SLC9A9: variants seen among roughly 807,000 people sequenced by gnomAD.
The protein encoded by SLC9A9 is solute carrier family 9 member A9.
SLC9A9 carries 62 observed loss-of-function variants against 77.8 expected under a neutral mutation model. That is an observed-to-expected ratio of 0.80 (90% CI 0.65 to 0.98). SLC9A9 has a LOEUF of 0.98. Among genes scored for constraint, SLC9A9 ranks in the 50% least tolerant of loss-of-function variants. SLC9A9 has a pLI of 0.00. For missense variants in SLC9A9, 775 were observed against 774.9 expected (o/e 1.00, Z 0.00); for synonymous variants, 320 against 283.5 (o/e 1.13, Z -1.29).
At chr3:143,461,667 CT>C (rs2035195047) in intron 12 of SLC9A9, among the ~76,000 whole-genome samples, 1 of 152,128 alleles carries the variant, frequency 6.6e-6, no homozygotes, top group Admixed American at 6.5e-5. Flanking sequence ...CAATTAGGAC[CT>C]GCTCAGTCTA....
At chr3:143,597,140 A>C (rs1322345804) in intron 6 of SLC9A9, among the ~76,000 whole-genome samples, 1 of 152,212 alleles carries the variant, frequency 6.6e-6, no homozygotes, top group Non-Finnish European at 1.5e-5. Context: ...TATCCAGGCG[A>C]GTATGAGTCA....
At chr3:143,367,136 G>A (rs886627438) in intron 13 of SLC9A9, among the ~76,000 whole-genome samples, 16 of 152,276 alleles carry the variant, frequency 1.1e-4, no homozygotes, top group African/African-American at 3.9e-4. Flanking sequence ...TTCTGAAAGA[G>A]CTTATACTCT....
intron 8 of SLC9A9, among the ~76,000 whole-genome samples, chr3:143,555,741 A>T (rs2036968287): frequency 1.3e-5 from 2 of 152,212 alleles, no homozygotes; most frequent in Admixed American, 1.3e-4. Flanking sequence ...TCATTGGAGA[A>T]TATTTTCCCT....
intron 8 of SLC9A9, among the ~76,000 whole-genome samples, chr3:143,554,235 C>A (rs927779837): frequency 6.6e-6 from 1 of 152,168 alleles, no homozygotes; most frequent in Non-Finnish European, 1.5e-5. Flanking sequence ...GTCTGAATAC[C>A]TACTGTGGGC....
At chr3:143,340,821 T>C (rs1196836073) in intron 14 of SLC9A9, among the ~76,000 whole-genome samples, 2 of 152,228 alleles carry the variant, frequency 1.3e-5, no homozygotes, top group Non-Finnish European at 2.9e-5. Flanking sequence ...TTTTATGTGC[T>C]CTTTCTAGAA....
At chr3:143,457,351 C>T (rs1245923222) in intron 12 of SLC9A9, among the ~76,000 whole-genome samples, 2 of 152,104 alleles carry the variant, frequency 1.3e-5, no homozygotes. Flanking sequence ...TGATATGAGT[C>T]TTTTTCTTTT....
chr3:143,605,713 A>C (rs2108691269), intron 6 of SLC9A9, among the ~76,000 whole-genome samples: 2 of 152,334 alleles, frequency 1.3e-5, no homozygotes, highest in East Asian at 3.9e-4. Context: ...ATTGTACAGA[A>C]ACCACTTTTA....
At chr3:143,824,254 T>C (rs2009243692) in intron 2 of SLC9A9, among the ~76,000 whole-genome samples, 1 of 151,916 alleles carries the variant, frequency 6.6e-6, no homozygotes, top group African/African-American at 2.4e-5. Flanking sequence ...CAAAATGATC[T>C]TAGAATATTC....
At chr3:143,349,674 T>C (rs538539988) in intron 14 of SLC9A9, among the ~76,000 whole-genome samples, 1 of 152,338 alleles carries the variant, frequency 6.6e-6, no homozygotes, top group East Asian at 1.9e-4. Flanking sequence ...ATTTGACTCA[T>C]GCTCTGTGCT....
chr3:143,291,956 C>G (rs776056087), intron 14 of SLC9A9, among the ~76,000 whole-genome samples: 4 of 152,230 alleles, frequency 2.6e-5, no homozygotes, highest in Non-Finnish European at 4.4e-5. Flanking sequence ...CCCTACACCT[C>G]TGCTCTAAGC....
rs115582655 is a variant in SLC9A9 at position 143,541,085 on chromosome 3, T to G, written c.1089+11277A>C. Among the ~76,000 whole-genome samples the G allele has an allele frequency of 8.5e-3, 1,297 of 152,262 alleles. 14 individuals are homozygous for G. Among genetic ancestry groups the G allele is most frequent in the African/African-American group, 0.029 (1,208 of 41,560 alleles). ...TTGACACCCCTTCCCCCACCACCAC[T>G]TCAAAATGTAAATGAATTAATCCCC... On this transcript the variant is annotated intron_variant, in intron 9 of 15. Transcript: ENST00000316549.
intron 6 of SLC9A9, among the ~76,000 whole-genome samples, chr3:143,608,272 C>T (rs1456781094): frequency 6.6e-6 from 1 of 152,174 alleles, no homozygotes; most frequent in Non-Finnish European, 1.5e-5. Context: ...CAGCAACTTG[C>T]CCTTTCTTGC....
intron 8 of SLC9A9, among the ~76,000 whole-genome samples, chr3:143,565,655 A>G (rs968832990): frequency 6.6e-6 from 1 of 151,566 alleles, no homozygotes; most frequent in Non-Finnish European, 1.5e-5. Context: ...AATCCCCTTG[A>G]GAATTGTAGG....
intron 4 of SLC9A9, among the ~76,000 whole-genome samples, chr3:143,751,036 G>A (rs2006695315): frequency 2.0e-5 from 3 of 152,146 alleles, no homozygotes; most frequent in Admixed American, 6.5e-5. Flanking sequence ...CCAGTTTTCA[G>A]GGCTGCTGGA....
intron 14 of SLC9A9, among the ~76,000 whole-genome samples, chr3:143,296,070 G>T (rs906464486): frequency 6.6e-6 from 1 of 152,112 alleles, no homozygotes; most frequent in Non-Finnish European, 1.5e-5. Flanking sequence ...TTTTGGTAAG[G>T]ATTCTTAACA....
chr3:143,353,179 CAA>C, intron 14 of SLC9A9, among the ~76,000 whole-genome samples: 1 of 152,204 alleles, frequency 6.6e-6, no homozygotes, highest in Admixed American at 6.5e-5. Context: ...CACCGACTTC[CAA>C]AGTCACTTCA....
intron 6 of SLC9A9, among the ~76,000 whole-genome samples, chr3:143,592,459 C>T (rs572713191): frequency 3.3e-5 from 5 of 152,314 alleles, no homozygotes; most frequent in African/African-American, 9.6e-5. Flanking sequence ...GACTTTTGCA[C>T]TCTTCCAGCA....
intron 4 of SLC9A9, among the ~76,000 whole-genome samples, chr3:143,770,414 G>T (rs1484710892): frequency 6.6e-6 from 1 of 152,178 alleles, no homozygotes; most frequent in Non-Finnish European, 1.5e-5. Flanking sequence ...ATGGTATACA[G>T]CAGAGATGGT....
chr3:143,795,282 A>G (rs1040208756), intron 3 of SLC9A9, among the ~76,000 whole-genome samples: 3 of 66,932 alleles, frequency 4.5e-5, no homozygotes, highest in African/African-American at 6.3e-5. Flanking sequence ...CAAGAAGCAG[A>G]AAAAAAAAAA....
Sources: gnomAD v4.1 joint callset for allele counts (sites outside exome capture counted in the v4.1 genomes callset) on GRCh38, gnomAD v4.1.1 for gene constraint, MANE v1.5 for transcripts, NCBI Gene and HGNC (gene_info 2026-07-23, HGNC 2026-07-21) for gene names.